TMTC1: variants seen among roughly 807,000 people sequenced by gnomAD.
The protein encoded by TMTC1 is protein O-mannosyl-transferase TMTC1.
A neutral mutation model predicts 104.8 loss-of-function variants in TMTC1; 73 were observed. That is an observed-to-expected ratio of 0.70 (90% CI 0.58 to 0.85). The LOEUF (loss-of-function observed/expected upper bound fraction) is 0.85. Ranked by LOEUF, TMTC1 falls within the 40% of genes least tolerant of loss-of-function variation. TMTC1 has a pLI of 0.00. For synonymous variants in TMTC1, 434 were observed against 428.7 expected (o/e 1.01, Z -0.15); for missense variants, 1,035 against 1,096.1 (o/e 0.94, Z 0.79).
chr12:29,675,862 G>A (rs2136697628), intron 5 of TMTC1, among the ~76,000 whole-genome samples: 1 of 152,256 alleles, frequency 6.6e-6, no homozygotes, highest in South Asian at 2.1e-4. Flanking sequence ...ATGGAAAGGA[G>A]GGAAGGAAGA....
In TMTC1 at chr12:29,624,712, G is replaced by A. The variant is rs117817862; in HGVS notation, c.1128+8435C>T. ...CTGTGAGGCCAGCCCTGACCTCTTC[G>A]CATCACCTAATATTTGACAAATCAA... On this transcript the variant is annotated intron_variant, in intron 6 of 17. Transcript: ENST00000539277. Among the ~76,000 whole-genome samples, 322 of 152,210 alleles carry A rather than the reference G, an allele frequency of 2.1e-3. 2 individuals are homozygous for A. The highest frequency in any genetic ancestry group is 0.018 in the East Asian group (92 of 5,178).
At chr12:29,554,915 T>C (rs748383954) in intron 10 of TMTC1, among the ~76,000 whole-genome samples, 3 of 152,164 alleles carry the variant, frequency 2.0e-5, no homozygotes, top group Admixed American at 6.5e-5. Context: ...TAGTCTATAT[T>C]CTCCTCAGTC....
At chr12:29,610,993 C>A (rs1946829962) in intron 6 of TMTC1, among the ~76,000 whole-genome samples, 3 of 152,126 alleles carry the variant, frequency 2.0e-5, no homozygotes, top group South Asian at 2.1e-4. Context: ...CCCTCAGAGA[C>A]AAAAGTAGAC....
At chr12:29,673,289 G>C (rs1591905066) in intron 5 of TMTC1, among the ~76,000 whole-genome samples, 1 of 152,170 alleles carries the variant, frequency 6.6e-6, no homozygotes, top group Admixed American at 6.5e-5. Context: ...TTTCAGAGTA[G>C]AAATAAGAAT....
intron 8 of TMTC1, among the ~76,000 whole-genome samples, chr12:29,575,462 C>T (rs1324063306): frequency 6.6e-6 from 1 of 151,800 alleles, no homozygotes; most frequent in African/African-American, 2.4e-5. Context: ...CATACTTCCT[C>T]GTTTTATATG....
At chr12:29,651,119 G>T (rs1226402216) in intron 5 of TMTC1, among the ~76,000 whole-genome samples, 4 of 152,194 alleles carry the variant, frequency 2.6e-5, no homozygotes, top group Admixed American at 2.6e-4. Context: ...CAGAGGTGAT[G>T]TGGGTCCCTT....
intron 1 of TMTC1, among the ~76,000 whole-genome samples, chr12:29,777,030 A>G (rs148935670): frequency 6.6e-6 from 1 of 152,128 alleles, no homozygotes; most frequent in Non-Finnish European, 1.5e-5. Context: ...AAGAAACAGT[A>G]TCTTATTATT....
chr12:29,775,992 G>A (rs115908679), intron 1 of TMTC1, among the ~76,000 whole-genome samples: 2,066 of 152,078 alleles, frequency 0.014, 47 homozygotes, highest in African/African-American at 0.047. Context: ...AATCCAGCAC[G>A]AAGACCAGAA....
At chr12:29,661,634 C>A (rs1940035778) in intron 5 of TMTC1, among the ~76,000 whole-genome samples, 1 of 151,942 alleles carries the variant, frequency 6.6e-6, no homozygotes, top group Non-Finnish European at 1.5e-5. Flanking sequence ...TGGCGTTTTG[C>A]CATGTTGGCC....
chr12:29,633,322 G>A lies in TMTC1; in HGVS notation c.953C>T (p.Ser318Phe), dbSNP rs201824853. ...VWSMMRFLTYSYLLAFNVWLL... is the reference protein window; with the variant it reads ...VWSMMRFLTYFYLLAFNVWLL... ...CCACACATTGAAGGCCAAGAGGTAG[G>A]AATAGGTGAGGAATCTATAAAGAGA... Residue 318 changes from serine to phenylalanine, a missense_variant, in exon 6 of 18, where the codon TCC (serine) becomes TTC (phenylalanine). Physicochemically the swap from Ser to Phe is radical, Grantham distance 155. Coordinates refer to ENST00000539277, the MANE Select transcript of TMTC1 (RefSeq NM_001193451.2). 91 of 1,609,384 alleles carry A rather than the reference G, an allele frequency of 5.7e-5. No homozygotes were observed. Among genetic ancestry groups the A allele is most frequent in the Non-Finnish European group, 7.3e-5 (86 of 1,177,020 alleles).
chr12:29,730,202 TAAACAC>T (rs1443047688), intron 5 of TMTC1, among the ~76,000 whole-genome samples: 8 of 152,154 alleles, frequency 5.3e-5, no homozygotes, highest in African/African-American at 1.9e-4. Flanking sequence ...ATTTAAAAAA[TAAACAC>T]AGGAAGGTGA....
chr12:29,561,518 A>C (rs951375026), intron 9 of TMTC1, among the ~76,000 whole-genome samples: 3 of 152,210 alleles, frequency 2.0e-5, no homozygotes, highest in African/African-American at 7.2e-5. Flanking sequence ...ATGGAAAGCT[A>C]TTTGGGATTA....
At chr12:29,735,186 A>G in intron 5 of TMTC1, among the ~76,000 whole-genome samples, 1 of 152,346 alleles carries the variant, frequency 6.6e-6, no homozygotes, top group Non-Finnish European at 1.5e-5. Context: ...AGTAGGTGCT[A>G]TCCTTAAACT....
At chr12:29,650,525 C>T (rs1016727735) in intron 5 of TMTC1, among the ~76,000 whole-genome samples, 1 of 152,148 alleles carries the variant, frequency 6.6e-6, no homozygotes, top group African/African-American at 2.4e-5. Context: ...TCAACAGGTT[C>T]CCTCTCTCAG....
chr12:29,756,250 C>T, intron 3 of TMTC1, among the ~76,000 whole-genome samples: 1 of 152,234 alleles, frequency 6.6e-6, no homozygotes, highest in East Asian at 1.9e-4. Flanking sequence ...CTGCTAACCA[C>T]AGCCGTCAAT....
chr12:29,659,827 T>C (rs1026693992), intron 5 of TMTC1: 10 of 1,340,438 alleles, frequency 7.5e-6, no homozygotes, highest in Admixed American at 4.6e-5. Flanking sequence ...AATTTAAGAT[T>C]ACTCAAAATT....
chr12:29,713,296 C>T (rs991200007), intron 5 of TMTC1, among the ~76,000 whole-genome samples: 16 of 117,024 alleles, frequency 1.4e-4, no homozygotes, highest in Non-Finnish European at 2.8e-4. Flanking sequence ...TCTACATAAA[C>T]ACATACACAC....
chr12:29,675,619 CA>C (rs1940698381), intron 5 of TMTC1, among the ~76,000 whole-genome samples: 9 of 80,006 alleles, frequency 1.1e-4, no homozygotes, highest in African/African-American at 4.3e-4. Flanking sequence ...CACACACACA[CA>C]CACACACACA....
At chr12:29,767,766 A>C in intron 2 of TMTC1, 132 bp downstream of exon 2, 1 of 771,046 alleles carries the variant, frequency 1.3e-6, no homozygotes, top group South Asian at 2.8e-5. Flanking sequence ...TTACATGTAT[A>C]TATCTATATA....
Sources: gnomAD v4.1 joint callset for allele counts (sites outside exome capture counted in the v4.1 genomes callset) on GRCh38, gnomAD v4.1.1 for gene constraint, MANE v1.5 for transcripts, NCBI Gene and HGNC (gene_info 2026-07-23, HGNC 2026-07-21) for gene names.